FAM13A: variants seen among roughly 807,000 people sequenced by gnomAD.
FAM13A encodes the protein protein FAM13A.
Under a neutral mutation model 129.6 loss-of-function variants are expected in FAM13A, and 76 were observed. That is an observed-to-expected ratio of 0.59 (90% CI 0.49 to 0.71). FAM13A has a LOEUF of 0.71. Among genes scored for constraint, FAM13A ranks in the 30% least tolerant of loss-of-function variants. The pLI, the probability that FAM13A is intolerant of heterozygous loss-of-function variation, is 0.00. For missense variants in FAM13A, 1,108 were observed against 1,249.3 expected (o/e 0.89, Z 1.70); for synonymous variants, 443 against 449.9 (o/e 0.98, Z 0.20).
chr4:88,987,838 CAAAA>C (rs1158179811), intron 4 of FAM13A, among the ~76,000 whole-genome samples: 2 of 71,184 alleles, frequency 2.8e-5, no homozygotes, highest in Admixed American at 1.8e-4. Flanking sequence ...AGACTCCTCT[CAAAA>C]AAAAAAAAAA....
At chr4:88,739,234 A>T (rs767120551) in intron 19 of FAM13A, 109 bp from the exon 20 acceptor site, 12 of 728,586 alleles carry the variant, frequency 1.6e-5, no homozygotes. Flanking sequence ...AGATGATGCA[A>T]CTTAAGTCTT....
intron 1 of FAM13A, among the ~76,000 whole-genome samples, chr4:89,053,103 C>A (rs1389470857): frequency 6.6e-6 from 1 of 152,210 alleles, no homozygotes; most frequent in African/African-American, 2.4e-5. Flanking sequence ...TATCCAATTT[C>A]ATTGCTCACA....
At chr4:88,856,611 A>T (rs901129098) in intron 6 of FAM13A, among the ~76,000 whole-genome samples, 2 of 152,256 alleles carry the variant, frequency 1.3e-5, no homozygotes, top group Non-Finnish European at 2.9e-5. Context: ...AGAAGTGATT[A>T]GGAAAGGACA....
At chr4:88,783,944 AT>A (rs1157326339) in intron 10 of FAM13A, among the ~76,000 whole-genome samples, 1 of 152,054 alleles carries the variant, frequency 6.6e-6, no homozygotes, top group African/African-American at 2.4e-5. Flanking sequence ...CAGAAGATAA[AT>A]TTTTGTTGTT....
chr4:89,031,018 T>C (rs1768611554), intron 1 of FAM13A, among the ~76,000 whole-genome samples: 1 of 152,138 alleles, frequency 6.6e-6, no homozygotes, highest in African/African-American at 2.4e-5. Context: ...AGATTTAGTA[T>C]CTATTAATAT....
intron 3 of FAM13A, among the ~76,000 whole-genome samples, chr4:89,007,542 G>A (rs901230573): frequency 1.4e-4 from 22 of 152,234 alleles, no homozygotes; most frequent in African/African-American, 4.8e-4. Flanking sequence ...CCTTGAACCA[G>A]AACTGCCCAG....
chr4:88,762,598 G>A (rs1446519959), intron 13 of FAM13A, among the ~76,000 whole-genome samples: 1 of 152,100 alleles, frequency 6.6e-6, no homozygotes, highest in Non-Finnish European at 1.5e-5. Context: ...GCATGTGGGT[G>A]CCAGGGAGGC....
chr4:88,801,699 A>G (rs1362653768), intron 8 of FAM13A, among the ~76,000 whole-genome samples: 2 of 152,200 alleles, frequency 1.3e-5, no homozygotes, highest in Non-Finnish European at 2.9e-5. Flanking sequence ...CATTAAACAC[A>G]GGTTCTACAT....
At chr4:88,838,442 A>T (rs1175836023) in intron 7 of FAM13A, among the ~76,000 whole-genome samples, 1 of 152,240 alleles carries the variant, frequency 6.6e-6, no homozygotes, top group African/African-American at 2.4e-5. Flanking sequence ...AGTGTAAAAG[A>T]AAATACACAT....
intron 3 of FAM13A, among the ~76,000 whole-genome samples, chr4:89,018,980 G>T (rs1036754642): frequency 8.5e-5 from 13 of 152,208 alleles, no homozygotes; most frequent in Admixed American, 7.9e-4. Flanking sequence ...TCTTCCAAAA[G>T]GATTGCCTGG....
At chr4:88,996,885 G>A (rs1232096027) in intron 3 of FAM13A, among the ~76,000 whole-genome samples, 1 of 152,128 alleles carries the variant, frequency 6.6e-6, no homozygotes, top group African/African-American at 2.4e-5. Flanking sequence ...AGAATGATAC[G>A]CATTTTTAAG....
chr4:88,782,845 G>A (rs930688770), intron 10 of FAM13A, among the ~76,000 whole-genome samples: 1 of 152,158 alleles, frequency 6.6e-6, no homozygotes, highest in Admixed American at 6.6e-5. Flanking sequence ...CACGCACTGA[G>A]AGCAGTGCCT....
intron 6 of FAM13A, among the ~76,000 whole-genome samples, chr4:88,899,223 T>C (rs769566199): frequency 2.6e-5 from 4 of 152,092 alleles, no homozygotes; most frequent in Non-Finnish European, 5.9e-5. Flanking sequence ...GAGACTATTA[T>C]TCTAAGTGAA....
chr4:88,937,722 T>C (rs1754070654), intron 5 of FAM13A: 2 of 246,044 alleles, frequency 8.1e-6, no homozygotes, highest in Non-Finnish European at 1.5e-5. Context: ...CTTCAGGAAT[T>C]TGCAATCTAG....
intron 3 of FAM13A, among the ~76,000 whole-genome samples, chr4:88,993,764 G>A (rs1239478306): frequency 2.0e-5 from 3 of 152,140 alleles, no homozygotes; most frequent in Non-Finnish European, 4.4e-5. Context: ...ACTTTGGGAG[G>A]CCGAGGTGGG....
intron 5 of FAM13A, among the ~76,000 whole-genome samples, chr4:88,928,056 A>C (rs1752478905): frequency 6.6e-6 from 1 of 152,134 alleles, no homozygotes; most frequent in Non-Finnish European, 1.5e-5. Context: ...TGATTCAAAA[A>C]ATTTAAAATT....
chr4:88,976,544 A>C (rs1355732808), intron 4 of FAM13A, among the ~76,000 whole-genome samples: 2 of 152,166 alleles, frequency 1.3e-5, no homozygotes, highest in Non-Finnish European at 2.9e-5. Flanking sequence ...ACAACAAACC[A>C]AATATATGAG....
At chr4:88,728,921 A>G in intron 23 of FAM13A, 1 of 324,728 alleles carries the variant, frequency 3.1e-6, no homozygotes, top group Non-Finnish European at 5.7e-6. Context: ...GAAATGCAGA[A>G]ATTCTCTCTG....
intron 6 of FAM13A, among the ~76,000 whole-genome samples, chr4:88,896,518 A>G (rs988868073): frequency 1.3e-5 from 2 of 152,230 alleles, no homozygotes; most frequent in African/African-American, 4.8e-5. Context: ...ACCTTCCATT[A>G]TTTTAAGTAT....
Sources: allele counts gnomAD v4.1 joint callset (sites outside exome capture counted in the v4.1 genomes callset), GRCh38; gene constraint gnomAD v4.1.1; transcripts MANE v1.5; gene names NCBI Gene and HGNC (gene_info 2026-07-23, HGNC 2026-07-21).